The following RUNX1 variants were observed in gnomAD, a reference collection of about 807,000 sequenced individuals.
RUNX1 encodes RUNX family transcription factor 1, also known as runt-related transcription factor 1.
Under a neutral mutation model 42.8 loss-of-function variants are expected in RUNX1, and 19 were observed. The ratio of observed to expected loss-of-function variants is 0.44; its 90% CI spans 0.31 to 0.65. The LOEUF (loss-of-function observed/expected upper bound fraction) is 0.65, where lower values mean the gene tolerates loss of function less well. Among genes scored for constraint, RUNX1 ranks in the 30% least tolerant of loss-of-function variants. The pLI, the probability that RUNX1 is intolerant of heterozygous loss-of-function variation, is 0.07. For missense variants in RUNX1, 528 were observed against 672.0 expected, an observed-to-expected ratio of 0.79 and a Z score of 2.37; for synonymous variants, 271 against 289.4, an observed-to-expected ratio of 0.94 and a Z score of 0.64.
chr21:34,965,454 T>C (rs910953309), intron 2 of RUNX1, among the ~76,000 whole-genome samples: 2 of 151,982 alleles, frequency 1.3e-5, no homozygotes, highest in Non-Finnish European at 2.9e-5. Flanking sequence ...TAGGTACCTC[T>C]TTTAGGGAGA....
At chr21:34,899,038 T>A (rs1189730619) in intron 2 of RUNX1, among the ~76,000 whole-genome samples, 1 of 152,176 alleles carries the variant, frequency 6.6e-6, no homozygotes, top group Non-Finnish European at 1.5e-5. Flanking sequence ...CTCAGCCTCC[T>A]GAGAAGTTGG....
intron 3 of RUNX1, among the ~76,000 whole-genome samples, chr21:34,891,963 A>C (rs2058085002): frequency 6.6e-6 from 1 of 152,210 alleles, no homozygotes; most frequent in Non-Finnish European, 1.5e-5. Context: ...GTGGTCTCAG[A>C]AGATAACTAA....
chr21:34,918,673 GC>G (rs1052299906), intron 2 of RUNX1, among the ~76,000 whole-genome samples: 52 of 152,284 alleles, frequency 3.4e-4, no homozygotes, highest in Non-Finnish European at 6.8e-4. Flanking sequence ...ACTTTGGGAG[GC>G]CAAGGCAGGT....
At chr21:34,960,826 G>A (rs1418542698) in intron 2 of RUNX1, among the ~76,000 whole-genome samples, 1 of 152,214 alleles carries the variant, frequency 6.6e-6, no homozygotes, top group Non-Finnish European at 1.5e-5. Flanking sequence ...AAAGCTGCCT[G>A]AAGATTGGAC....
At chr21:34,927,350 C>G (rs1240925478) in intron 2 of RUNX1, among the ~76,000 whole-genome samples, 1 of 152,150 alleles carries the variant, frequency 6.6e-6, no homozygotes, top group East Asian at 1.9e-4. Flanking sequence ...TGGACTCGCA[C>G]GTGTAGGGCA....
chr21:34,930,287 T>C (rs947988920), intron 2 of RUNX1, among the ~76,000 whole-genome samples: 1 of 142,960 alleles, frequency 7.0e-6, no homozygotes, highest in Non-Finnish European at 1.5e-5. Flanking sequence ...TATATATATA[T>C]ATATAAATAA....
In RUNX1 at chr21:34,930,997, G is replaced by C. The variant is rs2058440264; in HGVS notation, c.59-38034C>G. On this transcript the variant is annotated intron_variant, in intron 2 of 8. Transcript: ENST00000675419. ...CAATGGTAGCAGACAGAGCTGGCTA[G>C]AATTGGCAAGAGAGGCCCCATCACT... Among the ~76,000 whole-genome samples the C allele has an allele frequency of 2.6e-5, 4 of 152,106 alleles. No individual in the cohort carries two copies. In the South Asian group the frequency reaches 8.3e-4, roughly 32 times the overall value.
At chr21:34,947,705 A>G (rs2146654991) in intron 2 of RUNX1, among the ~76,000 whole-genome samples, 1 of 152,298 alleles carries the variant, frequency 6.6e-6, no homozygotes, top group East Asian at 1.9e-4. Context: ...TTTCCTCCAC[A>G]GAAGCCTTTA....
chr21:35,030,154 T>C (rs1285821547), intron 2 of RUNX1, among the ~76,000 whole-genome samples: 1 of 152,102 alleles, frequency 6.6e-6, no homozygotes, highest in East Asian at 1.9e-4. Flanking sequence ...CTATCCTGGC[T>C]AACACGGTGA....
chr21:34,824,100 A>C (rs778084666), intron 7 of RUNX1, among the ~76,000 whole-genome samples: 25 of 152,300 alleles, frequency 1.6e-4, no homozygotes, highest in Non-Finnish European at 3.1e-4. Context: ...TTTCCTATCC[A>C]TGATTCAGTC....
chr21:34,879,469 T>C (rs2057863477), intron 5 of RUNX1, among the ~76,000 whole-genome samples: 1 of 152,192 alleles, frequency 6.6e-6, no homozygotes, highest in Non-Finnish European at 1.5e-5. Flanking sequence ...TTCTGACTAA[T>C]CAAATTCTCT....
intron 2 of RUNX1, among the ~76,000 whole-genome samples, chr21:34,936,277 T>TA (rs1286919404): frequency 4.6e-5 from 7 of 151,554 alleles, no homozygotes; most frequent in East Asian, 1.9e-4. Flanking sequence ...CCCCTCTTTT[T>TA]TAAAAAAAAA....
At position 34,800,169 on chromosome 21, in the gene RUNX1, G is replaced by A. The variant is rs1050400888; in HGVS notation, c.806-707C>T. ...GTTTTTAGCAGGTATTTTATAGATTGCCATTATAAGAGGCCTGGGATAGAG... is the reference window on the plus strand; with the variant it reads ...GTTTTTAGCAGGTATTTTATAGATTACCATTATAAGAGGCCTGGGATAGAG... On this transcript the variant is annotated intron_variant, in intron 7 of 8. Transcript: ENST00000675419. Among the ~76,000 whole-genome samples, 4 of 152,152 alleles carry A rather than the reference G, an allele frequency of 2.6e-5. No individual in the cohort carries two copies. In the South Asian group the frequency reaches 8.3e-4, roughly 32 times the overall value.
intron 7 of RUNX1, among the ~76,000 whole-genome samples, chr21:34,826,533 G>A (rs2056991231): frequency 6.8e-6 from 1 of 147,056 alleles, no homozygotes; most frequent in Admixed American, 7.0e-5. Flanking sequence ...CACCTCCCCG[G>A]CTCAAGCGAT....
At chr21:34,864,327 G>A (rs2057624552) in intron 5 of RUNX1, among the ~76,000 whole-genome samples, 1 of 152,238 alleles carries the variant, frequency 6.6e-6, no homozygotes, top group Non-Finnish European at 1.5e-5. Context: ...TTCTCCCAGC[G>A]AGCTGCAGCC....
chr21:34,994,021 G>C (rs372631637), intron 2 of RUNX1, among the ~76,000 whole-genome samples: 1 of 152,062 alleles, frequency 6.6e-6, no homozygotes, highest in Non-Finnish European at 1.5e-5. Context: ...TGTTCCCTCC[G>C]GGCCGGCTGG....
rs2058179294 is a variant in RUNX1 at position 34,901,707 on chromosome 21, GAT to G, written c.59-8746_59-8745del. ...TACAGACAGAGGTTATGTTTTAAGA[GAT>G]AGACTGAGAAGTCACTCTCCACATG... On this transcript the variant is annotated intron_variant, in intron 2 of 8. Transcript: ENST00000675419. The surrounding 1 kb of genome is among the most constrained non-coding windows in gnomAD (Gnocchi z 4.3). 6.6e-6 allele frequency among the ~76,000 whole-genome samples: 1 copy of G among 152,096 alleles called. No homozygotes were observed. Among genetic ancestry groups the G allele is most frequent in the African/African-American group, 2.4e-5 (1 of 41,404 alleles).
chr21:34,827,477 T>C (rs2057004137), intron 7 of RUNX1, among the ~76,000 whole-genome samples: 1 of 152,040 alleles, frequency 6.6e-6, no homozygotes, highest in Non-Finnish European at 1.5e-5. Context: ...GCCAAAGAGA[T>C]TAGTATGAAT....
chr21:34,937,231 A>AATT (rs541875593), intron 2 of RUNX1, among the ~76,000 whole-genome samples: 1 of 151,404 alleles, frequency 6.6e-6, no homozygotes, highest in African/African-American at 2.4e-5. Context: ...CTTAATACTC[A>AATT]ATTATTATTA....
Sources: gnomAD v4.1 joint callset for allele counts (sites outside exome capture counted in the v4.1 genomes callset) on GRCh38, gnomAD v4.1.1 for gene constraint, Gnocchi (gnomAD v3.1) non-coding constraint, MANE v1.5 for transcripts, NCBI Gene and HGNC (gene_info 2026-07-23, HGNC 2026-07-21) for gene names.